PCDHGA10: variants seen among roughly 807,000 people sequenced by gnomAD.
PCDHGA10 encodes the protein protocadherin gamma subfamily A, 10.
In PCDHGA10, 42 loss-of-function variants were observed where a neutral mutation model predicts 59.5. The ratio of observed to expected loss-of-function variants is 0.71; its 90% CI spans 0.55 to 0.91. The LOEUF (loss-of-function observed/expected upper bound fraction) is 0.91, where lower values mean the gene tolerates loss of function less well. Among genes scored for constraint, PCDHGA10 ranks in the 40% least tolerant of loss-of-function variants. The probability of loss-of-function intolerance (pLI) is 0.00; values close to 1 mark genes in which losing one functional copy is unlikely to be tolerated. For synonymous variants in PCDHGA10, 511 were observed against 517.2 expected (o/e 0.99, Z 0.16); for missense variants, 1,111 against 1,198.2 (o/e 0.93, Z 1.07).
chr5:141,484,922 GC>G (rs869160673), intron 1 of PCDHGA10: 1 of 481,378 alleles, frequency 2.1e-6, no homozygotes, highest in South Asian at 2.8e-5. Context: ...TAACCCTGCT[GC>G]TGTTGGGACG....
chr5:141,421,487 C>G (rs1447180364), intron 1 of PCDHGA10: 2 of 1,614,094 alleles, frequency 1.2e-6, no homozygotes, highest in Non-Finnish European at 1.7e-6. Context: ...AGCTTGATCA[C>G]GGCAGGCAGG....
intron 1 of PCDHGA10, chr5:141,424,504 G>GT (rs892941709): frequency 6.6e-6 from 1 of 152,016 alleles, no homozygotes; most frequent in African/African-American, 2.4e-5. Context: ...TGTATGGAAG[G>GT]TTTTTTAATG....
At chr5:141,438,018 G>A (rs959672278) in intron 1 of PCDHGA10, among the ~76,000 whole-genome samples, 1 of 152,082 alleles carries the variant, frequency 6.6e-6, no homozygotes, top group African/African-American at 2.4e-5. Context: ...TGAGATTACA[G>A]GTGTGAGCCA....
At chr5:141,418,621 C>G (rs765634746) in intron 1 of PCDHGA10, 2 of 1,613,916 alleles carry the variant, frequency 1.2e-6, no homozygotes, top group Non-Finnish European at 1.7e-6. Flanking sequence ...TTCGGGAAGA[C>G]GTGCCTCCAG....
intron 1 of PCDHGA10, among the ~76,000 whole-genome samples, chr5:141,446,174 G>A (rs1242027176): frequency 1.3e-5 from 2 of 152,062 alleles, no homozygotes; most frequent in Non-Finnish European, 2.9e-5. Context: ...GAGGGCAGGG[G>A]GTGTTTTGTT....
At chr5:141,470,022 G>C (rs892106953) in intron 1 of PCDHGA10, among the ~76,000 whole-genome samples, 2 of 152,070 alleles carry the variant, frequency 1.3e-5, no homozygotes, top group African/African-American at 4.8e-5. Context: ...CCAGCTACTC[G>C]GGATGCTGAG....
Position 141,420,095 on chromosome 5 carries a change from G to A in PCDHGA10, c.2436+4484G>A, listed in dbSNP as rs1382286285. 2.5e-6 allele frequency: 4 copies of A among 1,613,882 alleles called. No individual in the cohort carries two copies. Among genetic ancestry groups the A allele is most frequent in the Admixed American group, 1.7e-5 (1 of 60,010 alleles). ...TGTGGGTCCCCCCAACTACAGTGAGGGAACGTTGCCCTATGCCTATAATTT... is the reference window on the plus strand; with the variant it reads ...TGTGGGTCCCCCCAACTACAGTGAGAGAACGTTGCCCTATGCCTATAATTT... On this transcript the variant is annotated intron_variant, in intron 1 of 3. Coordinates refer to ENST00000398610, the MANE Select transcript of PCDHGA10 (RefSeq NM_018913.3).
At chr5:141,448,948 A>AAAAC (rs1237948751) in intron 1 of PCDHGA10, among the ~76,000 whole-genome samples, 2 of 152,170 alleles carry the variant, frequency 1.3e-5, no homozygotes, top group African/African-American at 2.4e-5. Flanking sequence ...GCAACTCAAA[A>AAAAC]AAACAAACAA....
chr5:141,503,343 T>C (rs558650835), intron 2 of PCDHGA10, among the ~76,000 whole-genome samples: 87 of 152,106 alleles, frequency 5.7e-4, no homozygotes, highest in South Asian at 1.2e-3. Flanking sequence ...ACGCCTGTAA[T>C]TCCAGCACTT....
In PCDHGA10 at chr5:141,415,597, A is replaced by G. The variant is rs1206125540; in HGVS notation, c.2422A>G (p.Thr808Ala). The G allele has an allele frequency of 1.2e-6, 2 of 1,613,800 alleles. No homozygotes were observed. Among genetic ancestry groups the G allele is most frequent in the South Asian group, 1.1e-5 (1 of 91,058 alleles). The change falls in exon 1 of 4, where the codon ACC (threonine) becomes GCC (alanine). Residue 808 changes from threonine to alanine, a missense_variant. Transcript: ENST00000398610. ...LDDSKFPIED[T>A]PLVPQAPPNT... ...TGATTCGAAGTTTCCTATAGAGGAT[A>G]CCCCATTGGTTCCAGTGAGTTTTAT...
At chr5:141,421,829 T>G in intron 1 of PCDHGA10, 5 of 1,613,784 alleles carry the variant, frequency 3.1e-6, no homozygotes, top group Non-Finnish European at 4.2e-6. Context: ...GAGGGAAGCC[T>G]GGACCGAGAG....
chr5:141,448,044 C>T (rs2098559539), intron 1 of PCDHGA10, among the ~76,000 whole-genome samples: 1 of 151,942 alleles, frequency 6.6e-6, no homozygotes, highest in African/African-American at 2.4e-5. Context: ...CAAGATCATG[C>T]CATTGCTCTC....
intron 1 of PCDHGA10, chr5:141,442,197 A>G (rs1267971703): frequency 1.3e-5 from 2 of 153,426 alleles, no homozygotes; most frequent in African/African-American, 4.8e-5. Context: ...ATTAATTTAT[A>G]TCTGGTGATT....
Position 141,490,389 on chromosome 5 carries a change from T to C in PCDHGA10, c.2437-4418T>C, listed in dbSNP as rs1221410350. The C allele has an allele frequency of 6.2e-7, 1 of 1,614,174 alleles. No homozygotes were observed. Among genetic ancestry groups the C allele is most frequent in the African/African-American group, 1.3e-5 (1 of 75,040 alleles). On this transcript the variant is annotated intron_variant, in intron 1 of 3. Transcript: ENST00000398610. The surrounding 1 kb of genome is among the most constrained non-coding windows in gnomAD (Gnocchi z 5.4). The stretch of plus-strand genomic sequence containing the variant: ...GAGACCGGGACTCAGGTAGAAATGG[T>C]GAAGTGAGCCTTGATATCTCTCCGG...
intron 2 of PCDHGA10, 102 bp from the exon 3 acceptor site, chr5:141,505,291 G>A (rs2154593677): frequency 1.3e-6 from 2 of 1,565,092 alleles, no homozygotes; most frequent in Non-Finnish European, 1.7e-6. Context: ...TGGGCATGGG[G>A]TAGGGTTAGG....
intron 1 of PCDHGA10, chr5:141,418,301 C>T: frequency 6.2e-7 from 1 of 1,613,980 alleles, no homozygotes; most frequent in South Asian, 1.1e-5. Context: ...ATCCGTCAGC[C>T]TGGGGATGGG....
chr5:141,476,642 C>T lies in PCDHGA10; in HGVS notation c.2437-18165C>T. On this transcript the variant is annotated intron_variant, in intron 1 of 3. Transcript: ENST00000398610. This position sits in a 1 kb window ranked among gnomAD's most constrained non-coding sequence, Gnocchi z 7.6. The stretch of plus-strand genomic sequence containing the variant: ...CTCTTTACAAACCTATGAGCTGAGC[C>T]GAAATGAATACTTTGCGCTTCGCGT... The T allele has an allele frequency of 1.9e-6, 3 of 1,614,240 alleles. No individual in the cohort carries two copies. The highest frequency in any genetic ancestry group is 2.5e-6 in the Non-Finnish European group (3 of 1,180,050).
chr5:141,438,054 T>C (rs1451843979), intron 1 of PCDHGA10, among the ~76,000 whole-genome samples: 2 of 152,182 alleles, frequency 1.3e-5, no homozygotes, highest in African/African-American at 4.8e-5. Flanking sequence ...TTGAGTTCAC[T>C]TTTAAGAAAC....
At chr5:141,420,237 C>A in intron 1 of PCDHGA10, 1 of 1,595,672 alleles carries the variant, frequency 6.3e-7, no homozygotes, top group Non-Finnish European at 8.6e-7. Context: ...AGCATTTTAA[C>A]TCCCAGCGTT....
Sources: gnomAD v4.1 joint callset for allele counts (sites outside exome capture counted in the v4.1 genomes callset) on GRCh38, gnomAD v4.1.1 for gene constraint, Gnocchi (gnomAD v3.1) non-coding constraint, MANE v1.5 for transcripts, NCBI Gene and HGNC (gene_info 2026-07-23, HGNC 2026-07-21) for gene names.